The following KCTD15 variants were observed in gnomAD, a reference collection of about 807,000 sequenced individuals.
The protein encoded by KCTD15 is potassium channel tetramerization domain containing 15, also known as BTB/POZ domain-containing protein KCTD15.
A neutral mutation model predicts 27.2 loss-of-function variants in KCTD15; 11 were observed. That is an observed-to-expected ratio of 0.41 (90% CI 0.25 to 0.67). The LOEUF (loss-of-function observed/expected upper bound fraction) is 0.67. Ranked by LOEUF, KCTD15 falls within the 30% of genes least tolerant of loss-of-function variation. The pLI is 0.35. For synonymous variants in KCTD15, 163 were observed against 176.0 expected (o/e 0.93, Z 0.58); for missense variants, 350 against 409.3 (o/e 0.86, Z 1.25).
At chr19:33,808,581 T>C (rs1366107421) in intron 5 of KCTD15, among the ~76,000 whole-genome samples, 1 of 152,114 alleles carries the variant, frequency 6.6e-6, no homozygotes, top group East Asian at 1.9e-4. Context: ...CTGTTTGATG[T>C]CAGGACCTTG....
At chr19:33,812,144 T>C (rs2056180) in intron 6 of KCTD15, 127,480 of 1,215,796 alleles carry the variant, frequency 0.1, 7,109 homozygotes, top group African/African-American at 0.16. Flanking sequence ...TGTGCACGCA[T>C]TCCACAGCCT....
At chr19:33,812,146 C>A in intron 6 of KCTD15, 1 of 1,214,244 alleles carries the variant, frequency 8.2e-7, no homozygotes, top group Non-Finnish European at 1.0e-6. Flanking sequence ...TGCACGCATT[C>A]CACAGCCTGT....
chr19:33,812,193 C>G lies in KCTD15; in HGVS notation c.694-597C>G, dbSNP rs925271552. On this transcript the variant is annotated intron_variant, in intron 6 of 6. Transcript: ENST00000683859. ...TGCTAGTTGCAGGAGACGGGTGTTA[C>G]ACGCAGTCATCAGACCTCACCCTCA... 3.6e-6 allele frequency: 4 copies of G among 1,124,336 alleles called. No individual in the cohort carries two copies. In the African/African-American group the frequency reaches 6.5e-5, roughly 18 times the overall value. 69.6% of individuals were successfully genotyped at this position (1,124,336 alleles called of 1,614,324 possible).
At chr19:33,796,391 C>G (rs1425378466), upstream of KCTD15, 2 of 149,890 alleles carry the variant, frequency 1.3e-5, no homozygotes, top group Non-Finnish European at 3.0e-5. Context: ...GGGGATCGCC[C>G]GGCGAAAGGA....
Position 33,813,491 on chromosome 19 carries a change from G to C in KCTD15, c.*543G>C. On this transcript the variant is annotated 3_prime_UTR_variant, in exon 7 of 7. Transcript: ENST00000683859. The stretch of plus-strand genomic sequence containing the variant: ...GGCTGCAGGGTGGACCAGCTGCCTG[G>C]CATTCAGGCCCAGATGCCTGCAGGG... The C allele has an allele frequency of 2.3e-6, 1 of 434,452 alleles. No individual in the cohort carries two copies. Among genetic ancestry groups the C allele is most frequent in the Non-Finnish European group, 4.6e-6 (1 of 216,744 alleles). The allele number at this position is 434,452 out of a possible 1,614,324, so 26.9% of individuals were successfully genotyped here.
intron 4 of KCTD15, among the ~76,000 whole-genome samples, chr19:33,804,537 C>T (rs1975655942): frequency 6.6e-6 from 1 of 152,162 alleles, no homozygotes; most frequent in South Asian, 2.1e-4. Flanking sequence ...TCTGCTGACT[C>T]ACCTTGGATG....
intron 1 of KCTD15, 145 bp from the exon 2 acceptor site, chr19:33,798,523 C>CT (rs1300902595): frequency 6.6e-6 from 1 of 152,388 alleles, no homozygotes; most frequent in African/African-American, 2.4e-5. Context: ...GTTTGGAAAC[C>CT]TGTGGGCCCT....
At position 33,802,063 on chromosome 19, in the gene KCTD15, C is replaced by T. The variant is rs1173031146; in HGVS notation, c.242+721C>T. On this transcript the variant is annotated intron_variant, in intron 4 of 6. Coordinates refer to ENST00000683859, the MANE Select transcript of KCTD15 (RefSeq NM_001129994.2). Reference sequence around the variant, plus strand: ...TTGGGCCTGCGAGAGGTTTGGGGTGCTGGGTGCTGCCAGCTCTCCTGCTCT... The same window carrying T: ...TTGGGCCTGCGAGAGGTTTGGGGTGTTGGGTGCTGCCAGCTCTCCTGCTCT... Among the ~76,000 whole-genome samples the T allele has an allele frequency of 2.0e-5, 3 of 152,178 alleles. No individual in the cohort carries two copies. In the East Asian group the frequency reaches 5.8e-4, roughly 29 times the overall value.
chr19:33,799,188 C>T (rs1975449211), intron 2 of KCTD15, among the ~76,000 whole-genome samples: 2 of 152,168 alleles, frequency 1.3e-5, no homozygotes, highest in South Asian at 4.1e-4. Flanking sequence ...ACCTCCCACC[C>T]CAGTTTTATG....
In KCTD15 at chr19:33,811,247, G is replaced by A; in HGVS notation, c.388G>A (p.Asp130Asn). Residue 130 changes from aspartate (D) to asparagine (N), a missense_variant and splice_region_variant, in exon 6 of 7, where the codon GAC (aspartate) becomes AAC (asparagine). By Grantham distance (23) the Asp-to-Asn change is conservative. Around this residue, in one of 3 missense-constraint regions of KCTD15, gnomAD observed 219 missense variants for 234.9 expected, o/e 0.93. Transcript: ENST00000683859. ...CAACACCCTGTGCGCCTGTCCCCAG[G>A]ACTTCAGTCTGCTGTACGAGGAGGC... ...SKLLLPDDFK[D>N]FSLLYEEARY... 6.7e-7 allele frequency: 1 copy of A among 1,490,334 alleles called. No homozygotes were observed. Among genetic ancestry groups the A allele is most frequent in the Non-Finnish European group, 8.9e-7 (1 of 1,118,456 alleles). The allele number at this position is 1,490,334 out of a possible 1,614,324, so 92.3% of individuals were successfully genotyped here.
intron 1 of KCTD15, among the ~76,000 whole-genome samples, chr19:33,797,593 A>T (rs1975380576): frequency 6.6e-6 from 1 of 151,914 alleles, no homozygotes; most frequent in Admixed American, 6.6e-5. Context: ...CCGCCTGCAG[A>T]TCCGGTTCCC....
At chr19:33,797,303 C>T in intron 1 of KCTD15, 1 of 356,898 alleles carries the variant, frequency 2.8e-6, no homozygotes, top group South Asian at 2.0e-5. Context: ...CGCGCGCGCG[C>T]TTGTGGAGGT....
At chr19:33,798,320 G>T (rs529960018) in intron 1 of KCTD15, 1 of 152,384 alleles carries the variant, frequency 6.6e-6, no homozygotes, top group South Asian at 2.1e-4. Context: ...TCAAGCTGCC[G>T]CAGCTCAGCC....
At chr19:33,796,832 GTGGGGGGA>G, upstream of KCTD15, 1 of 138,620 alleles carries the variant, frequency 7.2e-6, no homozygotes, top group South Asian at 2.6e-4. Flanking sequence ...GGAGGGGTGG[GTGGGGGGA>G]GGGTTGGGGG....
chr19:33,800,515 AC>A lies in KCTD15; in HGVS notation c.63del (p.Ala22ArgfsTer61). 6.3e-7 allele frequency: 1 copy of A among 1,594,478 alleles called. No homozygotes were observed. ...GCTTCACACACACGGCAGCACCGGC[AC>A]CGCGGTGAGCCTGCAGGGTGGGCTG... Reference protein sequence around the residue: ...SSLHTHGSTGTAEGGNMSRLS... With the variant: ...SSLHTHGSTGXAEGGNMSRLS... On this transcript the variant is annotated frameshift_variant, in exon 3 of 7. Coordinates refer to ENST00000683859, the MANE Select transcript of KCTD15 (RefSeq NM_001129994.2). LOFTEE classifies it high-confidence loss of function.
chr19:33,801,619 C>T, intron 4 of KCTD15: 2 of 330,444 alleles, frequency 6.1e-6, no homozygotes, highest in African/African-American at 2.1e-5. Flanking sequence ...TTATTCAGAG[C>T]CAGCCCAGCC....
At chr19:33,798,232 C>A (rs543904882) in intron 1 of KCTD15, 1 of 152,224 alleles carries the variant, frequency 6.6e-6, no homozygotes, top group African/African-American at 2.4e-5. Flanking sequence ...CGAGAGGCGC[C>A]TTCTGTTTAC....
chr19:33,807,075 TTAA>T (rs1975736005), intron 5 of KCTD15, 68 bp downstream of exon 5: 2 of 1,503,992 alleles, frequency 1.3e-6, no homozygotes, highest in African/African-American at 1.4e-5. Context: ...ACGCTGTGAC[TTAA>T]TAAGTGGACC....
intron 5 of KCTD15, among the ~76,000 whole-genome samples, chr19:33,808,058 C>T (rs1490855970): frequency 1.3e-5 from 2 of 152,270 alleles, no homozygotes; most frequent in African/African-American, 2.4e-5. Context: ...CGGGTGAGCC[C>T]GTCAGGGCAG....
Sources: allele counts gnomAD v4.1 joint callset (sites outside exome capture counted in the v4.1 genomes callset), GRCh38; gene constraint gnomAD v4.1.1; regional missense constraint gnomAD v4.1.1; transcripts MANE v1.5; gene names NCBI Gene and HGNC (gene_info 2026-07-23, HGNC 2026-07-21).